The following PDE4B variants were observed in gnomAD, a reference collection of about 807,000 sequenced individuals.
The protein encoded by PDE4B is phosphodiesterase 4B.
Under a neutral mutation model 82.2 loss-of-function variants are expected in PDE4B, and 20 were observed. The ratio of observed to expected loss-of-function variants is 0.24; its 90% CI spans 0.17 to 0.35. The LOEUF (loss-of-function observed/expected upper bound fraction) is 0.35, where lower values mean the gene tolerates loss of function less well. PDE4B is among the 10% of genes least tolerant of loss of function. PDE4B has a pLI of 1.00. For missense variants in PDE4B, 655 were observed against 907.2 expected, an observed-to-expected ratio of 0.72 and a Z score of 3.57; for synonymous variants, 320 against 318.9, an observed-to-expected ratio of 1.00 and a Z score of -0.04.
At chr1:66,000,241 G>A (rs1050588806) in intron 3 of PDE4B, among the ~76,000 whole-genome samples, 1 of 152,206 alleles carries the variant, frequency 6.6e-6, no homozygotes. Flanking sequence ...GAGGAGAAGT[G>A]TTGTATGGGG....
intron 3 of PDE4B, among the ~76,000 whole-genome samples, chr1:66,002,551 T>G (rs988383847): frequency 6.6e-6 from 1 of 151,846 alleles, no homozygotes; most frequent in Non-Finnish European, 1.5e-5. Context: ...AGAAGGAAGT[T>G]TTTTTAAAAA....
chr1:66,139,573 G>T (rs1304819308), intron 3 of PDE4B, among the ~76,000 whole-genome samples: 6 of 151,930 alleles, frequency 3.9e-5, no homozygotes, highest in Non-Finnish European at 5.9e-5. Context: ...AACCTTAATG[G>T]TATCTGCAAA....
At chr1:66,093,204 A>T (rs1645057290) in intron 3 of PDE4B, among the ~76,000 whole-genome samples, 1 of 152,030 alleles carries the variant, frequency 6.6e-6, no homozygotes, top group Non-Finnish European at 1.5e-5. Context: ...CCAGGCAGGA[A>T]GATTGAAGGC....
chr1:66,125,163 TC>T (rs1254063643), intron 3 of PDE4B, among the ~76,000 whole-genome samples: 2 of 101,018 alleles, frequency 2.0e-5, no homozygotes, highest in African/African-American at 7.8e-5. Flanking sequence ...CCCATACTAT[TC>T]CTTTTTTTTT....
In PDE4B at chr1:65,998,062, G is replaced by T. The variant is rs116252537; in HGVS notation, c.281+79227G>T. On this transcript the variant is annotated intron_variant, in intron 3 of 16. Coordinates refer to ENST00000341517, the MANE Select transcript of PDE4B (RefSeq NM_002600.4). ...CTGTTAACAAATAATAACAATAATA[G>T]CTCTAATATATTCAGCACTTATATA... 4.2e-3 allele frequency among the ~76,000 whole-genome samples: 644 copies of T among 152,036 alleles called. 3 individuals carry two copies. The highest frequency in any genetic ancestry group is 9.0e-3 in the Admixed American group (138 of 15,260).
At chr1:65,837,405 C>A (rs1325197738) in intron 1 of PDE4B, among the ~76,000 whole-genome samples, 1 of 151,978 alleles carries the variant, frequency 6.6e-6, no homozygotes, top group Admixed American at 6.6e-5. Flanking sequence ...CAGCCTGCCT[C>A]TACTAAAGAG....
At chr1:66,309,646 A>G (rs1393239958) in intron 7 of PDE4B, among the ~76,000 whole-genome samples, 1 of 152,196 alleles carries the variant, frequency 6.6e-6, no homozygotes, top group East Asian at 1.9e-4. Flanking sequence ...ATGGGAGTAC[A>G]GGCTGTGCCA....
intron 3 of PDE4B, among the ~76,000 whole-genome samples, chr1:66,163,148 AT>A (rs1320661580): frequency 3.9e-5 from 6 of 152,148 alleles, no homozygotes; most frequent in Non-Finnish European, 7.4e-5. Context: ...ATCTAATCTA[AT>A]TCTTCCCGAG....
chr1:65,973,072 A>G (rs1202692792), intron 3 of PDE4B, among the ~76,000 whole-genome samples: 1 of 152,162 alleles, frequency 6.6e-6, no homozygotes, highest in Non-Finnish European at 1.5e-5. Flanking sequence ...TTTGAGCATT[A>G]GTTAATTGAC....
rs747846420 is a variant in PDE4B, at chr1:66,266,096, T to C, written c.634+9T>C. The C allele has an allele frequency of 6.2e-7, 1 of 1,601,132 alleles. No homozygotes were observed. Reference sequence around the variant, plus strand: ...CAGAGTCAACCCACAAGGTAGGCCATGTCATAAGGTCTATCTAGATGTTTC... The same window carrying C: ...CAGAGTCAACCCACAAGGTAGGCCACGTCATAAGGTCTATCTAGATGTTTC... On this transcript the variant is annotated intron_variant, in intron 7 of 16. Transcript: ENST00000341517.
At chr1:66,045,101 T>A (rs188125992) in intron 3 of PDE4B, among the ~76,000 whole-genome samples, 11 of 151,918 alleles carry the variant, frequency 7.2e-5, no homozygotes, top group African/African-American at 2.6e-4. Flanking sequence ...CAATGCATGA[T>A]CTTTGTCACG....
chr1:66,176,734 C>T (rs1334682129), intron 3 of PDE4B, among the ~76,000 whole-genome samples: 1 of 152,166 alleles, frequency 6.6e-6, no homozygotes, highest in African/African-American at 2.4e-5. Flanking sequence ...TAAACTATTT[C>T]TTAAATATAT....
intron 8 of PDE4B, among the ~76,000 whole-genome samples, chr1:66,344,742 A>T (rs1393889053): frequency 6.6e-6 from 1 of 152,244 alleles, no homozygotes. Context: ...GGAGGAATAG[A>T]GATTAGGAAA....
intron 3 of PDE4B, among the ~76,000 whole-genome samples, chr1:66,104,095 C>G (rs9726424): frequency 0.055 from 6,855 of 124,996 alleles, 472 homozygotes; most frequent in East Asian, 0.34. Context: ...TCCCTCCCCC[C>G]ACCCTCCAAC....
At chr1:66,282,399 C>T (rs1381568938) in intron 7 of PDE4B, among the ~76,000 whole-genome samples, 2 of 152,152 alleles carry the variant, frequency 1.3e-5, no homozygotes, top group Non-Finnish European at 2.9e-5. Flanking sequence ...GGAGACATAT[C>T]TCCAGTGCAT....
chr1:66,131,444 T>G (rs1326387013), intron 3 of PDE4B, among the ~76,000 whole-genome samples: 2 of 150,558 alleles, frequency 1.3e-5, no homozygotes, highest in Non-Finnish European at 3.0e-5. Context: ...TTAATGACAT[T>G]GAAAACAGGT....
chr1:66,075,666 G>A (rs1214138326), intron 3 of PDE4B, among the ~76,000 whole-genome samples: 1 of 151,986 alleles, frequency 6.6e-6, no homozygotes, highest in Non-Finnish European at 1.5e-5. Context: ...CATTTCACAA[G>A]GAGTTGTGCA....
At chr1:66,345,549 T>C (rs1372176663) in intron 8 of PDE4B, among the ~76,000 whole-genome samples, 2 of 152,216 alleles carry the variant, frequency 1.3e-5, no homozygotes, top group Non-Finnish European at 2.9e-5. Context: ...TCTACCATGT[T>C]CACTAGTGAA....
At chr1:65,914,416 A>G (rs753959625) in intron 2 of PDE4B, among the ~76,000 whole-genome samples, 3 of 150,470 alleles carry the variant, frequency 2.0e-5, no homozygotes, top group Admixed American at 6.6e-5. Context: ...CAAAGAATCT[A>G]GTTAATGTGT....
Sources: gnomAD v4.1 joint callset for allele counts (sites outside exome capture counted in the v4.1 genomes callset) on GRCh38, gnomAD v4.1.1 for gene constraint, MANE v1.5 for transcripts, NCBI Gene and HGNC (gene_info 2026-07-23, HGNC 2026-07-21) for gene names.